NRG2: variants seen among roughly 807,000 people sequenced by gnomAD.
NRG2 encodes the protein neuregulin 2, also known as pro-neuregulin-2, membrane-bound isoform.
A neutral mutation model predicts 73.9 loss-of-function variants in NRG2; 27 were observed. That is an observed-to-expected ratio of 0.37 (90% CI 0.27 to 0.50). The LOEUF (loss-of-function observed/expected upper bound fraction) is 0.50. NRG2 is among the 20% of genes least tolerant of loss of function. The pLI is 0.96. For synonymous variants in NRG2, 532 were observed against 541.0 expected (o/e 0.98, Z 0.23); for missense variants, 1,126 against 1,210.1 (o/e 0.93, Z 1.03).
intron 3 of NRG2, among the ~76,000 whole-genome samples, chr5:139,880,234 T>C (rs1763437772): frequency 6.6e-6 from 1 of 152,146 alleles, no homozygotes; most frequent in East Asian, 1.9e-4. Context: ...AACCAGGGCC[T>C]GAGAGGGCAG....
chr5:139,945,604 T>C (rs1753746302), intron 1 of NRG2, among the ~76,000 whole-genome samples: 1 of 152,140 alleles, frequency 6.6e-6, no homozygotes, highest in Non-Finnish European at 1.5e-5. Flanking sequence ...ATTTGGGGTC[T>C]TTTGTGGTTC....
rs148802670 is a variant in NRG2 at position 139,888,115 on chromosome 5, A to AACAC, written c.701-608_701-605dup. On this transcript the variant is annotated intron_variant, in intron 1 of 9. Transcript: ENST00000361474. ...CCACCACCAAAATACAAAACAAAAC[A>AACAC]ACACACACACACACACACACACACC... 7.6e-3 allele frequency among the ~76,000 whole-genome samples: 1,131 copies of AACAC among 148,898 alleles called. 3 individuals carry two copies. The highest frequency in any genetic ancestry group is 0.017 in the South Asian group (79 of 4,682).
chr5:139,894,561 C>T lies in NRG2; in HGVS notation c.701-7050G>A, dbSNP rs1438406563. Among the ~76,000 whole-genome samples, 1 of 152,118 alleles carries T rather than the reference C, an allele frequency of 6.6e-6. No individual in the cohort carries two copies. Among genetic ancestry groups the T allele is most frequent in the Non-Finnish European group, 1.5e-5 (1 of 68,006 alleles). On this transcript the variant is annotated intron_variant, in intron 1 of 9. Transcript: ENST00000361474. This position sits in a 1 kb window ranked among gnomAD's most constrained non-coding sequence, Gnocchi z 5.0. The stretch of plus-strand genomic sequence containing the variant: ...CATGGCCTGCAGAAGAGCAATTTCA[C>T]ACTCACAGGACAGACTCCCAAAGGG...
intron 1 of NRG2, among the ~76,000 whole-genome samples, chr5:139,967,299 A>G (rs972529492): frequency 6.6e-6 from 1 of 152,242 alleles, no homozygotes; most frequent in Admixed American, 6.5e-5. Context: ...TAGATGTCCA[A>G]CAAGTACTCC....
intron 1 of NRG2, among the ~76,000 whole-genome samples, chr5:139,908,744 G>C (rs56412075): frequency 6.6e-6 from 1 of 152,146 alleles, no homozygotes; most frequent in Non-Finnish European, 1.5e-5. Flanking sequence ...ACCACTGGTC[G>C]CAAGACCTGC....
intron 1 of NRG2, among the ~76,000 whole-genome samples, chr5:139,927,505 T>C (rs1752145331): frequency 6.6e-6 from 1 of 151,938 alleles, no homozygotes; most frequent in Non-Finnish European, 1.5e-5. Context: ...ACCAGAGAAA[T>C]AAAATTATAA....
At chr5:139,880,811 T>A in intron 3 of NRG2, 45 bp downstream of exon 3, 1 of 1,530,392 alleles carries the variant, frequency 6.5e-7, no homozygotes, top group Non-Finnish European at 9.0e-7. Context: ...TGGCCCGCCC[T>A]GCCAAACCCC....
intron 1 of NRG2, among the ~76,000 whole-genome samples, chr5:140,021,375 A>G (rs1391697412): frequency 6.6e-6 from 1 of 152,202 alleles, no homozygotes; most frequent in African/African-American, 2.4e-5. Context: ...GAAAAATTCC[A>G]TAAGTAATGC....
At chr5:139,988,842 C>T (rs1242415214) in intron 1 of NRG2, among the ~76,000 whole-genome samples, 4 of 151,774 alleles carry the variant, frequency 2.6e-5, no homozygotes, top group Non-Finnish European at 5.9e-5. Flanking sequence ...GTACCACTCT[C>T]GTGGGGGATA....
rs190377183 is a variant in NRG2 at position 139,871,303 on chromosome 5, G to C, written c.1112+418C>G. ...CGCTATTGGGGAAGATGCAGCCTGGGAAATGTTCATTAAGAACAAAGTTTG... is the reference window on the plus strand; with the variant it reads ...CGCTATTGGGGAAGATGCAGCCTGGCAAATGTTCATTAAGAACAAAGTTTG... On this transcript the variant is annotated intron_variant, in intron 4 of 9. Transcript: ENST00000361474. 3.6e-3 allele frequency among the ~76,000 whole-genome samples: 543 copies of C among 152,318 alleles called. 2 individuals carry two copies. Among genetic ancestry groups the C allele is most frequent in the Non-Finnish European group, 4.1e-3 (280 of 68,024 alleles).
intron 2 of NRG2, among the ~76,000 whole-genome samples, chr5:139,881,770 G>C (rs201725710): frequency 1.3e-5 from 2 of 152,210 alleles, no homozygotes; most frequent in African/African-American, 4.8e-5. Flanking sequence ...GGCTATCTCT[G>C]AGAAAAGCTG....
At chr5:139,970,886 C>G (rs1755916477) in intron 1 of NRG2, among the ~76,000 whole-genome samples, 1 of 152,202 alleles carries the variant, frequency 6.6e-6, no homozygotes. Flanking sequence ...TCCATGAAAC[C>G]TTTCCAAACA....
At chr5:140,000,883 T>C (rs1034091857) in intron 1 of NRG2, among the ~76,000 whole-genome samples, 1 of 152,194 alleles carries the variant, frequency 6.6e-6, no homozygotes, top group African/African-American at 2.4e-5. Context: ...CAATCCCCTC[T>C]TCAAAAACGT....
chr5:139,905,435 A>C (rs1765166104), intron 1 of NRG2, among the ~76,000 whole-genome samples: 1 of 152,218 alleles, frequency 6.6e-6, no homozygotes, highest in African/African-American at 2.4e-5. Flanking sequence ...CATCTCACCC[A>C]GTCCTCTGTC....
chr5:139,975,517 C>A (rs1031192567), intron 1 of NRG2, among the ~76,000 whole-genome samples: 8 of 152,222 alleles, frequency 5.3e-5, no homozygotes, highest in Non-Finnish European at 8.8e-5. Flanking sequence ...AGGGCAGACA[C>A]AAAGCCAGGT....
intron 1 of NRG2, among the ~76,000 whole-genome samples, chr5:140,007,957 C>T (rs542483749): frequency 2.6e-5 from 4 of 152,306 alleles, no homozygotes; most frequent in African/African-American, 9.6e-5. Flanking sequence ...TACCTGAACC[C>T]GGATCTTCCA....
intron 9 of NRG2, 43 bp from the exon 10 acceptor site, chr5:139,848,740 C>A: frequency 4.2e-5 from 17 of 403,322 alleles, no homozygotes; most frequent in African/African-American, 4.7e-5. Flanking sequence ...CAGGCCGGGC[C>A]GGCGCGGGGG....
intron 1 of NRG2, among the ~76,000 whole-genome samples, chr5:139,998,007 C>A (rs544821941): frequency 6.4e-4 from 97 of 152,304 alleles, no homozygotes; most frequent in African/African-American, 2.3e-3. Context: ...GGGCCTGGGT[C>A]CTCCCTTCAC....
At chr5:139,895,319 G>A (rs1764478182) in intron 1 of NRG2, among the ~76,000 whole-genome samples, 1 of 152,258 alleles carries the variant, frequency 6.6e-6, no homozygotes, top group Non-Finnish European at 1.5e-5. Context: ...ACCCAGCGCA[G>A]GGCTGGGATA....
Sources: gnomAD v4.1 joint callset for allele counts (sites outside exome capture counted in the v4.1 genomes callset) on GRCh38, gnomAD v4.1.1 for gene constraint, Gnocchi (gnomAD v3.1) non-coding constraint, MANE v1.5 for transcripts, NCBI Gene and HGNC (gene_info 2026-07-23, HGNC 2026-07-21) for gene names.